Variants in GPC1 observed in about 807,000 individuals in gnomAD.
The protein encoded by GPC1 is glypican-1.
Under a neutral mutation model 51.5 loss-of-function variants are expected in GPC1, and 26 were observed. The observed-to-expected ratio is 0.50, with a 90% CI of 0.37 to 0.70. The LOEUF (loss-of-function observed/expected upper bound fraction) is 0.70, where lower values mean the gene tolerates loss of function less well. Ranked by LOEUF, GPC1 falls within the 30% of genes least tolerant of loss-of-function variation. The pLI is 0.00. For missense variants in GPC1, 775 were observed against 800.5 expected (o/e 0.97, Z 0.38); for synonymous variants, 380 against 348.3 (o/e 1.09, Z -1.01).
chr2:240,460,474 C>T (rs1246780128), intron 2 of GPC1, among the ~76,000 whole-genome samples: 1 of 152,208 alleles, frequency 6.6e-6, no homozygotes, highest in Non-Finnish European at 1.5e-5. Flanking sequence ...CCCCAGCGTG[C>T]CACCCAGCCC....
chr2:240,435,743 GC>G lies in GPC1; in HGVS notation c.-174del. On this transcript the variant is annotated 5_prime_UTR_variant, in exon 1 of 9. Transcript: ENST00000264039. ...GGACCTCGCACCCCGCGCGCCCCGC[GC>G]CGCCGCCGCCGCCGGCTTTTGTTGT... is the stretch of plus-strand genomic sequence containing the variant. 1 of 291,628 alleles carries G rather than the reference GC, an allele frequency of 3.4e-6. No individual in the cohort carries two copies. Among genetic ancestry groups the G allele is most frequent in the Non-Finnish European group, 6.0e-6 (1 of 166,496 alleles). The allele number at this position is 291,628 out of a possible 1,614,324, so 18.1% of individuals were successfully genotyped here.
intron 4 of GPC1, 146 bp from the exon 5 acceptor site, chr2:240,464,470 C>A: frequency 9.1e-7 from 1 of 1,096,230 alleles, no homozygotes; most frequent in Non-Finnish European, 1.4e-6. Flanking sequence ...CACGGGCCAA[C>A]CTGAGTGCAC....
rs1478887042 is a variant in GPC1 at position 240,464,716 on chromosome 2, C to T, written c.984C>T (p.Leu328=). Reference sequence around the variant, plus strand: ...GGCTGGCGGAGGCCATCAACGCCCTCCAGGACAACAGGGACACGCTCACGG... The same window carrying T: ...GGCTGGCGGAGGCCATCAACGCCCTTCAGGACAACAGGGACACGCTCACGG... ...HTWLAEAINA[L]QDNRDTLTAK... is the part of the protein sequence containing the mutation. Residue 328 remains leucine, a synonymous_variant, in exon 5 of 9, where the codon CTC becomes CTT. Coordinates refer to ENST00000264039, the MANE Select transcript of GPC1 (RefSeq NM_002081.3). 8 of 1,611,604 alleles carry T rather than the reference C, an allele frequency of 5.0e-6. No individual in the cohort carries two copies. The highest frequency in any genetic ancestry group is 5.9e-6 in the Non-Finnish European group (7 of 1,179,268).
At chr2:240,462,872 G>C (rs1430573289) in intron 3 of GPC1, among the ~76,000 whole-genome samples, 1 of 152,166 alleles carries the variant, frequency 6.6e-6, no homozygotes, top group Non-Finnish European at 1.5e-5. Context: ...GCTGGACGCT[G>C]AGCCAGGCTG....
Position 240,436,022 on chromosome 2 carries a change from T to C in GPC1, c.104T>C (p.Val35Ala). 7.2e-7 allele frequency: 1 copy of C among 1,384,560 alleles called. No homozygotes were observed. The highest frequency in any genetic ancestry group is 9.4e-7 in the Non-Finnish European group (1 of 1,066,318). The allele number at this position is 1,384,560 out of a possible 1,614,324, so 85.8% of individuals were successfully genotyped here. A position where few individuals can be genotyped will look rare whatever the true frequency, so the allele number is the denominator to read the frequency against. ...AGCAAGAGCCGGAGCTGCGGCGAGG[T>C]CCGCCAGATCTACGGAGCCAAGGGC... ...PASKSRSCGE[V>A]RQIYGAKGFS... The change falls in exon 1 of 9, where the codon GTC (valine) becomes GCC (alanine). Residue 35 changes from valine (V) to alanine (A), a missense_variant. Transcript: ENST00000264039.
intron 1 of GPC1, among the ~76,000 whole-genome samples, chr2:240,457,055 A>G (rs2074172033): frequency 6.6e-6 from 1 of 152,062 alleles, no homozygotes; most frequent in Non-Finnish European, 1.5e-5. Context: ...CGGGGGGCGC[A>G]GGTGCACTTG....
Position 240,465,781 on chromosome 2 carries a change from C to A in GPC1, c.1444+133C>A, listed in dbSNP as rs1217391050. On this transcript the variant is annotated intron_variant, in intron 8 of 8. Transcript: ENST00000264039. ...CATCACCACAGTGAGTCTGAGGACG[C>A]TGTGCTGCCCAGGCACGATCACCGA... is the stretch of plus-strand genomic sequence containing the variant. 4 of 764,846 alleles carry A rather than the reference C, an allele frequency of 5.2e-6. No homozygotes were observed. The East Asian group carries it at 1.1e-4, about 21-fold the overall frequency. The allele number at this position is 764,846 out of a possible 1,614,324, so 47.4% of individuals were successfully genotyped here.
At chr2:240,451,956 G>C (rs1242256568) in intron 1 of GPC1, 2 of 152,730 alleles carry the variant, frequency 1.3e-5, no homozygotes, top group African/African-American at 2.4e-5. Context: ...CCCGTCTTTG[G>C]GGGTCTCCGG....
rs772160640 is a variant in GPC1, at chr2:240,436,113, G to C, written c.166+29G>C. The stretch of plus-strand genomic sequence containing the variant: ...AGTGAGGGCGCGGCGCCGGGAACCC[G>C]GGCCTGGCCGGGCTTTGGGCTCCGG... On this transcript the variant is annotated intron_variant, in intron 1 of 8. Transcript: ENST00000264039. The C allele has an allele frequency of 1.5e-5, 19 of 1,245,744 alleles. No homozygotes were observed. The East Asian group carries it at 5.5e-4, about 36-fold the overall frequency. 77.2% of individuals were successfully genotyped at this position (1,245,744 alleles called of 1,614,324 possible).
Position 240,465,332 on chromosome 2 carries a change from C to G in GPC1, c.1268+122C>G. Reference sequence around the variant, plus strand: ...GCTGGAGGGCTTGAGCCCCACTTCTCTGCGGCCTGTGTGGGCTCTGCTCGG... The same window carrying G: ...GCTGGAGGGCTTGAGCCCCACTTCTGTGCGGCCTGTGTGGGCTCTGCTCGG... On this transcript the variant is annotated intron_variant, in intron 7 of 8. Coordinates refer to ENST00000264039, the MANE Select transcript of GPC1 (RefSeq NM_002081.3). 22 of 1,359,056 alleles carry G rather than the reference C, an allele frequency of 1.6e-5. No homozygotes were observed. The South Asian group carries it at 3.1e-4, about 19-fold the overall frequency. The allele number at this position is 1,359,056 out of a possible 1,614,324, so 84.2% of individuals were successfully genotyped here. A position where few individuals can be genotyped will look rare whatever the true frequency, so the allele number is the denominator to read the frequency against.
intron 1 of GPC1, chr2:240,449,215 A>C (rs1285355852): frequency 6.5e-6 from 1 of 152,966 alleles, no homozygotes; most frequent in African/African-American, 2.4e-5. Context: ...CTGAGACCTG[A>C]GTGGGGGAGC....
intron 1 of GPC1, chr2:240,452,920 A>G: frequency 3.4e-6 from 1 of 296,132 alleles, no homozygotes; most frequent in South Asian, 2.5e-5. Flanking sequence ...GCCTCCTGCG[A>G]GCCCTTCCGC....
chr2:240,466,062 C>G lies in GPC1; in HGVS notation c.1449C>G (p.Asp483Glu). 1 of 1,606,818 alleles carries G rather than the reference C, an allele frequency of 6.2e-7. No individual in the cohort carries two copies. The highest frequency in any genetic ancestry group is 8.5e-7 in the Non-Finnish European group (1 of 1,175,310). ...GGAGCCTCCTCTCCTTCCCAGGTGA[C>G]GACGGCAGCGGCTCGGGCAGCGGTG... ...GNDVDFQDAS[D>E]DGSGSGSGDG... Residue 483 changes from aspartate (D) to glutamate (E), a missense_variant, in exon 9 of 9, where the codon GAC (aspartate) becomes GAG (glutamate). Physicochemically the swap from Asp to Glu is conservative, Grantham distance 45. Coordinates refer to ENST00000264039, the MANE Select transcript of GPC1 (RefSeq NM_002081.3).
chr2:240,463,412 A>G lies in GPC1; in HGVS notation c.783A>G (p.Gly261=), dbSNP rs1208014963. The G allele has an allele frequency of 6.2e-7, 1 of 1,612,502 alleles. No individual in the cohort carries two copies. Among genetic ancestry groups the G allele is most frequent in the Non-Finnish European group, 8.5e-7 (1 of 1,179,668 alleles). Reference sequence around the variant, plus strand: ...TGGTCTACTGTGCTCACTGCCTGGGAGTCCCCGGCGCCAGGCCCTGCCCTG... The same window carrying G: ...TGGTCTACTGTGCTCACTGCCTGGGGGTCCCCGGCGCCAGGCCCTGCCCTG... ...MKLVYCAHCL[G]VPGARPCPDY... is the part of the protein sequence containing the mutation. Residue 261 remains glycine, a synonymous_variant, in exon 4 of 9, where the codon GGA becomes GGG. Coordinates refer to ENST00000264039, the MANE Select transcript of GPC1 (RefSeq NM_002081.3).
At chr2:240,462,757 C>T (rs922406005) in intron 3 of GPC1, among the ~76,000 whole-genome samples, 175 bp downstream of exon 3, 7 of 152,238 alleles carry the variant, frequency 4.6e-5, no homozygotes, top group Non-Finnish European at 8.8e-5. Flanking sequence ...GGCCTGCTAA[C>T]AGCGTACCCA....
intron 7 of GPC1, 65 bp downstream of exon 7, chr2:240,465,275 C>T: frequency 1.3e-6 from 2 of 1,520,938 alleles, no homozygotes; most frequent in South Asian, 2.5e-5. Flanking sequence ...TGTGCCTGGG[C>T]CAGGTGCTGT....
intron 2 of GPC1, 119 bp downstream of exon 2, chr2:240,459,307 G>A: frequency 2.0e-6 from 2 of 989,736 alleles, no homozygotes; most frequent in Non-Finnish European, 3.0e-6. Flanking sequence ...GAGGAGGTGG[G>A]GGAGTTAGTG....
At chr2:240,464,813 A>C in intron 5 of GPC1, 43 bp from the exon 6 acceptor site, 1 of 1,566,244 alleles carries the variant, frequency 6.4e-7, no homozygotes, top group Non-Finnish European at 8.7e-7. Flanking sequence ...ATTGGGCTTG[A>C]GGGGCCCCAC....
chr2:240,455,817 C>G (rs1224960276), intron 1 of GPC1, among the ~76,000 whole-genome samples: 1 of 152,222 alleles, frequency 6.6e-6, no homozygotes, highest in South Asian at 2.1e-4. Flanking sequence ...TGTCCAGGAC[C>G]ACAACCTGTG....
Sources: gnomAD v4.1 joint callset for allele counts (sites outside exome capture counted in the v4.1 genomes callset) on GRCh38, gnomAD v4.1.1 for gene constraint, MANE v1.5 for transcripts, NCBI Gene and HGNC (gene_info 2026-07-23, HGNC 2026-07-21) for gene names.